Variants in CADM2 observed in about 807,000 individuals in gnomAD.
CADM2 encodes the protein cell adhesion molecule 2.
CADM2 carries 12 observed loss-of-function variants against 49.8 expected under a neutral mutation model. The ratio of observed to expected loss-of-function variants is 0.24; its 90% confidence interval spans 0.15 to 0.39. The LOEUF is 0.39. CADM2 is among the 10% of genes least tolerant of loss of function. The probability of loss-of-function intolerance (pLI) is 1.00; values close to 1 mark genes in which losing one functional copy is unlikely to be tolerated. For synonymous variants in CADM2, 214 were observed against 175.4 expected, an observed-to-expected ratio of 1.22 and a Z score of -1.74; for missense variants, 378 against 492.3, an observed-to-expected ratio of 0.77 and a Z score of 2.20.
At chr3:85,534,674 A>G (rs1389959610) in intron 1 of CADM2, among the ~76,000 whole-genome samples, 1 of 152,158 alleles carries the variant, frequency 6.6e-6, no homozygotes, top group African/African-American at 2.4e-5. Context: ...CTGGCCCCAT[A>G]TCTAGGCTAT....
intron 1 of CADM2, among the ~76,000 whole-genome samples, chr3:85,544,822 A>C (rs1364103892): frequency 9.8e-6 from 1 of 101,802 alleles, no homozygotes; most frequent in Admixed American, 1.1e-4. Flanking sequence ...ACATGTGTTC[A>C]AAAAAAAAGA....
chr3:86,012,513 T>C, intron 8 of CADM2: 1 of 1,270,192 alleles, frequency 7.9e-7, no homozygotes, highest in Non-Finnish European at 1.1e-6. Context: ...CGGACTGCCC[T>C]GAGGAGGCCG....
chr3:85,167,112 AT>A (rs2040490684), intron 1 of CADM2, among the ~76,000 whole-genome samples: 1 of 152,034 alleles, frequency 6.6e-6, no homozygotes, highest in Non-Finnish European at 1.5e-5. Flanking sequence ...ATTAACTTTC[AT>A]TTCAGATGAA....
intron 8 of CADM2, among the ~76,000 whole-genome samples, chr3:85,991,563 C>A (rs371403901): frequency 6.6e-6 from 1 of 152,026 alleles, no homozygotes. Context: ...AAGGTAATGG[C>A]CTTTAGTATC....
intron 1 of CADM2, among the ~76,000 whole-genome samples, chr3:85,393,963 C>T (rs1426555446): frequency 6.6e-6 from 1 of 152,004 alleles, no homozygotes; most frequent in African/African-American, 2.4e-5. Flanking sequence ...CCCGTCACCA[C>T]GCCTCGCTAA....
At chr3:85,104,884 G>A (rs2038152257) in intron 1 of CADM2, among the ~76,000 whole-genome samples, 2 of 152,112 alleles carry the variant, frequency 1.3e-5, no homozygotes, top group Admixed American at 6.6e-5. Flanking sequence ...TGTTATTGGT[G>A]TATAAGAATG....
chr3:85,779,477 A>G (rs982476010), intron 2 of CADM2, among the ~76,000 whole-genome samples: 9 of 152,174 alleles, frequency 5.9e-5, no homozygotes, highest in African/African-American at 2.2e-4. Context: ...GAAACTTACT[A>G]TCATGCCAGA....
At chr3:85,270,374 T>C (rs1346223703) in intron 1 of CADM2, among the ~76,000 whole-genome samples, 1 of 151,432 alleles carries the variant, frequency 6.6e-6, no homozygotes, top group Non-Finnish European at 1.5e-5. Flanking sequence ...GCTCTATATA[T>C]GCATATGTTC....
chr3:85,690,792 C>G (rs964066863), intron 1 of CADM2, among the ~76,000 whole-genome samples: 1 of 152,088 alleles, frequency 6.6e-6, no homozygotes, highest in Non-Finnish European at 1.5e-5. Context: ...ATTGTGTTTT[C>G]ATTTATAAAT....
At chr3:85,632,999 T>G (rs2107526934) in intron 1 of CADM2, among the ~76,000 whole-genome samples, 1 of 152,194 alleles carries the variant, frequency 6.6e-6, no homozygotes, top group South Asian at 2.1e-4. Flanking sequence ...ATCACGATGC[T>G]TAGAAAACCT....
intron 3 of CADM2, among the ~76,000 whole-genome samples, chr3:85,816,583 G>A (rs775264962): frequency 6.6e-6 from 1 of 152,054 alleles, no homozygotes; most frequent in East Asian, 1.9e-4. Flanking sequence ...TTAACATCAA[G>A]TACAAAATGA....
intron 8 of CADM2, among the ~76,000 whole-genome samples, chr3:86,060,917 G>A (rs934350438): frequency 2.0e-5 from 3 of 151,962 alleles, no homozygotes; most frequent in South Asian, 4.1e-4. Context: ...GGGAGGTGGA[G>A]GTTGCAGTGA....
chr3:85,326,957 T>G (rs948421636), intron 1 of CADM2, among the ~76,000 whole-genome samples: 1 of 152,112 alleles, frequency 6.6e-6, no homozygotes, highest in Admixed American at 6.5e-5. Flanking sequence ...ATTTTTTTTT[T>G]AAATAAAATA....
chr3:86,060,753 G>A (rs1277277221), intron 8 of CADM2, among the ~76,000 whole-genome samples: 3 of 152,102 alleles, frequency 2.0e-5, no homozygotes, highest in Non-Finnish European at 4.4e-5. Flanking sequence ...GGAGGCTGAG[G>A]TGGGCAGATC....
chr3:85,155,587 G>A (rs1203480569), intron 1 of CADM2, among the ~76,000 whole-genome samples: 2 of 151,948 alleles, frequency 1.3e-5, no homozygotes, highest in Non-Finnish European at 2.9e-5. Flanking sequence ...GCATCAAGAG[G>A]ACCTAATAGA....
At chr3:86,008,551 G>A (rs1317870144) in intron 8 of CADM2, among the ~76,000 whole-genome samples, 1 of 152,042 alleles carries the variant, frequency 6.6e-6, no homozygotes, top group Non-Finnish European at 1.5e-5. Flanking sequence ...CTGAGATGAT[G>A]TAGAGGAAGG....
At chr3:85,574,905 A>C (rs2062588308) in intron 1 of CADM2, among the ~76,000 whole-genome samples, 1 of 152,124 alleles carries the variant, frequency 6.6e-6, no homozygotes, top group South Asian at 2.1e-4. Flanking sequence ...TGACCTAGCT[A>C]ATCCCAGAAC....
intron 7 of CADM2, among the ~76,000 whole-genome samples, chr3:85,955,835 A>C (rs1723990177): frequency 6.6e-6 from 1 of 151,668 alleles, no homozygotes; most frequent in Non-Finnish European, 1.5e-5. Flanking sequence ...AAATCTGTTC[A>C]GATTGAAAAC....
At chr3:85,220,140 T>G (rs1287577972) in intron 1 of CADM2, among the ~76,000 whole-genome samples, 1 of 152,106 alleles carries the variant, frequency 6.6e-6, no homozygotes, top group Non-Finnish European at 1.5e-5. Context: ...TTTTTTTGGC[T>G]AGGTTTTCCA....
Sources: allele counts gnomAD v4.1 joint callset (sites outside exome capture counted in the v4.1 genomes callset), GRCh38; gene constraint gnomAD v4.1.1; transcripts MANE v1.5; gene names NCBI Gene and HGNC (gene_info 2026-07-23, HGNC 2026-07-21).